STK10: variants seen among roughly 807,000 people sequenced by gnomAD.
STK10 encodes serine/threonine-protein kinase 10.
Under a neutral mutation model 113.8 loss-of-function variants are expected in STK10, and 78 were observed. The ratio of observed to expected loss-of-function variants is 0.69; its 90% CI spans 0.57 to 0.83. The LOEUF is 0.83. STK10 is among the 40% of genes least tolerant of loss of function. The pLI is 0.00. For synonymous variants in STK10, 465 were observed against 494.7 expected, an observed-to-expected ratio of 0.94 and a Z score of 0.80; for missense variants, 1,109 against 1,280.1, an observed-to-expected ratio of 0.87 and a Z score of 2.04.
chr5:172,181,923 C>A (rs533271300), intron 1 of STK10, among the ~76,000 whole-genome samples: 1 of 152,216 alleles, frequency 6.6e-6, no homozygotes, highest in South Asian at 2.1e-4. Context: ...TGTCAACAGA[C>A]GCTGATGGAA....
intron 2 of STK10, among the ~76,000 whole-genome samples, chr5:172,143,571 G>A (rs1770021564): frequency 6.6e-6 from 1 of 152,142 alleles, no homozygotes; most frequent in Non-Finnish European, 1.5e-5. Context: ...AATTAAATAA[G>A]CCACAGCCAG....
intron 1 of STK10, among the ~76,000 whole-genome samples, chr5:172,164,934 C>T (rs1479849115): frequency 6.6e-6 from 1 of 152,252 alleles, no homozygotes; most frequent in South Asian, 2.1e-4. Flanking sequence ...TCAGCCCACA[C>T]CCTTGCGAGC....
chr5:172,053,335 G>C (rs1279527680), intron 17 of STK10: 12 of 342,838 alleles, frequency 3.5e-5, no homozygotes, highest in Non-Finnish European at 3.8e-5. Context: ...CGCAAGCCAG[G>C]AAGGGAGCCC....
chr5:172,147,289 A>C (rs1770105426), intron 2 of STK10, among the ~76,000 whole-genome samples: 1 of 151,978 alleles, frequency 6.6e-6, no homozygotes, highest in African/African-American at 2.4e-5. Flanking sequence ...TTTTATGAAG[A>C]CTTCGTTACA....
intron 12 of STK10, among the ~76,000 whole-genome samples, chr5:172,066,115 G>C (rs61466410): frequency 6.6e-6 from 1 of 152,006 alleles, no homozygotes; most frequent in Non-Finnish European, 1.5e-5. Flanking sequence ...GGGGGGAAAG[G>C]CCCGCCTGTG....
intron 2 of STK10, among the ~76,000 whole-genome samples, chr5:172,132,634 C>T (rs1453800092): frequency 6.6e-6 from 1 of 152,174 alleles, no homozygotes; most frequent in Non-Finnish European, 1.5e-5. Context: ...CCTATATTTG[C>T]AGGTGGCTCA....
In STK10 at chr5:172,048,414, T is replaced by TACACACACACACACACACACACACAC. The variant is rs370301917; in HGVS notation, c.2767-3418_2767-3393dup. On this transcript the variant is annotated intron_variant, in intron 18 of 18. Transcript: ENST00000176763. Reference sequence around the variant, plus strand: ...AAATCAATTTCCCTCTCCCTCTCCCTACACACACACACACACACACACACA... The same window carrying TACACACACACACACACACACACACAC: ...AAATCAATTTCCCTCTCCCTCTCCCTACACACACACACACACACACACACACACACACACACACACACACACACACA... 1.0e-3 allele frequency among the ~76,000 whole-genome samples: 134 copies of TACACACACACACACACACACACACAC among 128,470 alleles called. 3 individuals carry two copies. Among genetic ancestry groups the TACACACACACACACACACACACACAC allele is most frequent in the African/African-American group, 2.6e-3 (84 of 32,242 alleles). The allele number at this position is 128,470 out of a possible 152,430, so 84.3% of individuals were successfully genotyped here. A position where few individuals can be genotyped will look rare whatever the true frequency, so the allele number is the denominator to read the frequency against.
At position 172,156,606 on chromosome 5, in the gene STK10, A is replaced by C. The variant is rs41275267; in HGVS notation, c.321+18T>G. 6.2e-7 allele frequency: 1 copy of C among 1,605,194 alleles called. No individual in the cohort carries two copies. Among genetic ancestry groups the C allele is most frequent in the African/African-American group, 1.3e-5 (1 of 74,870 alleles). ...GGCCATGGGGGCTGAGCTGGGACAG[A>C]CAGGGCGGCAGCCTTACCCACAGCT... On this transcript the variant is annotated intron_variant, in intron 2 of 18. Transcript: ENST00000176763.
intron 7 of STK10, among the ~76,000 whole-genome samples, chr5:172,096,875 C>T (rs1768867184): frequency 6.6e-6 from 1 of 152,212 alleles, no homozygotes; most frequent in Non-Finnish European, 1.5e-5. Flanking sequence ...TAAATGAGAT[C>T]ATGCACTTGA....
chr5:172,147,351 C>T (rs1202750415), intron 2 of STK10, among the ~76,000 whole-genome samples: 2 of 151,884 alleles, frequency 1.3e-5, no homozygotes, highest in African/African-American at 2.4e-5. Context: ...AAAAAGTGCA[C>T]GGTCTAAACC....
intron 10 of STK10, among the ~76,000 whole-genome samples, chr5:172,084,719 T>G (rs1318301606): frequency 2.6e-5 from 4 of 151,988 alleles, no homozygotes; most frequent in African/African-American, 9.7e-5. Context: ...TAGAGTATCC[T>G]TTACTGAAAA....
chr5:172,168,926 C>A (rs1200175035), intron 1 of STK10, among the ~76,000 whole-genome samples: 1 of 152,168 alleles, frequency 6.6e-6, no homozygotes, highest in East Asian at 1.9e-4. Flanking sequence ...TAGCTGCTGA[C>A]AAGCTAACGC....
At chr5:172,074,551 T>G (rs893132169) in intron 12 of STK10, among the ~76,000 whole-genome samples, 6 of 152,132 alleles carry the variant, frequency 3.9e-5, no homozygotes, top group South Asian at 4.1e-4. Context: ...CCTTATATCT[T>G]ATATAACAAT....
intron 1 of STK10, among the ~76,000 whole-genome samples, chr5:172,163,988 G>A (rs934686821): frequency 6.6e-6 from 1 of 152,074 alleles, no homozygotes; most frequent in African/African-American, 2.4e-5. Context: ...TAGGCAGGTG[G>A]ATCACCTGAG....
chr5:172,071,080 C>G (rs143465295), intron 12 of STK10, among the ~76,000 whole-genome samples: 4 of 151,062 alleles, frequency 2.6e-5, no homozygotes, highest in African/African-American at 7.3e-5. Flanking sequence ...TGTGGTGGCA[C>G]GCACCTGTAA....
intron 1 of STK10, among the ~76,000 whole-genome samples, chr5:172,177,086 A>C (rs2113839299): frequency 6.6e-6 from 1 of 152,226 alleles, no homozygotes; most frequent in African/African-American, 2.4e-5. Context: ...AGGCACAAGA[A>C]TCACTTGAAC....
chr5:172,154,714 G>A (rs1006353231), intron 2 of STK10, among the ~76,000 whole-genome samples: 2 of 152,228 alleles, frequency 1.3e-5, no homozygotes, highest in African/African-American at 4.8e-5. Context: ...ACAACAGCAT[G>A]ACAGTCGCAG....
chr5:172,155,187 A>C (rs960021783), intron 2 of STK10, among the ~76,000 whole-genome samples: 4 of 152,148 alleles, frequency 2.6e-5, no homozygotes, highest in Non-Finnish European at 5.9e-5. Context: ...CCAGTTTGGC[A>C]ATAGACATTA....
intron 2 of STK10, among the ~76,000 whole-genome samples, chr5:172,128,729 C>T (rs949749260): frequency 2.6e-5 from 4 of 152,262 alleles, no homozygotes; most frequent in African/African-American, 9.6e-5. Flanking sequence ...CAGCTCCTGG[C>T]CCCTGCTTGT....
Sources: gnomAD v4.1 joint callset for allele counts (sites outside exome capture counted in the v4.1 genomes callset) on GRCh38, gnomAD v4.1.1 for gene constraint, MANE v1.5 for transcripts, NCBI Gene and HGNC (gene_info 2026-07-23, HGNC 2026-07-21) for gene names.